WDR70: variants seen among roughly 807,000 people sequenced by gnomAD.
WDR70 encodes WD repeat-containing protein 70.
WDR70 carries 53 observed loss-of-function variants against 88.6 expected under a neutral mutation model. That is an observed-to-expected ratio of 0.60 (90% CI 0.48 to 0.75). WDR70 has a LOEUF of 0.75. WDR70 is among the 30% of genes least tolerant of loss of function. The pLI, the probability that WDR70 is intolerant of heterozygous loss-of-function variation, is 0.00. For missense variants in WDR70, 610 were observed against 823.2 expected (o/e 0.74, Z 3.17); for synonymous variants, 280 against 270.0 (o/e 1.04, Z -0.36).
intron 10 of WDR70, among the ~76,000 whole-genome samples, chr5:37,674,951 T>A (rs1350620568): frequency 6.6e-6 from 1 of 151,588 alleles, no homozygotes; most frequent in Non-Finnish European, 1.5e-5. Context: ...GGTATCTCAT[T>A]GTGGTTTTGA....
intron 8 of WDR70, among the ~76,000 whole-genome samples, chr5:37,512,198 TTTCTC>T (rs1740740669): frequency 6.6e-6 from 1 of 152,124 alleles, no homozygotes; most frequent in South Asian, 2.1e-4. Context: ...TTTTTGTCTT[TTTCTC>T]TTCTCTTTTC....
At chr5:37,628,006 C>T (rs1038503136) in intron 10 of WDR70, among the ~76,000 whole-genome samples, 1 of 152,154 alleles carries the variant, frequency 6.6e-6, no homozygotes, top group Non-Finnish European at 1.5e-5. Context: ...TTCACTGCAG[C>T]CTTGAATTCC....
chr5:37,552,737 AT>A (rs1191603661), intron 9 of WDR70, among the ~76,000 whole-genome samples: 4 of 152,174 alleles, frequency 2.6e-5, no homozygotes, highest in Non-Finnish European at 5.9e-5. Context: ...AATATCTACT[AT>A]TTTGGGTCGT....
chr5:37,570,737 T>C (rs1338299397), intron 9 of WDR70, among the ~76,000 whole-genome samples: 1 of 152,204 alleles, frequency 6.6e-6, no homozygotes, highest in Non-Finnish European at 1.5e-5. Context: ...AAATGTCTTT[T>C]GGTTTTAGTA....
intron 5 of WDR70, among the ~76,000 whole-genome samples, chr5:37,399,445 G>A (rs963355863): frequency 2.0e-5 from 3 of 152,066 alleles, no homozygotes; most frequent in Non-Finnish European, 4.4e-5. Context: ...TTTCATGAAA[G>A]TGTTTTTACA....
At chr5:37,495,799 G>A (rs1170246525) in intron 8 of WDR70, among the ~76,000 whole-genome samples, 1 of 152,166 alleles carries the variant, frequency 6.6e-6, no homozygotes, top group African/African-American at 2.4e-5. Flanking sequence ...ACCCATTTAA[G>A]AATCCTTAGT....
intron 10 of WDR70, among the ~76,000 whole-genome samples, chr5:37,676,424 C>G (rs57214650): frequency 0.28 from 42,818 of 151,974 alleles, 6,685 homozygotes; most frequent in Admixed American, 0.42. Flanking sequence ...TACCTAATTT[C>G]TTGAGAGTTT....
chr5:37,466,547 A>G (rs964969103), intron 7 of WDR70, among the ~76,000 whole-genome samples: 1 of 151,920 alleles, frequency 6.6e-6, no homozygotes, highest in African/African-American at 2.4e-5. Flanking sequence ...TCTATTAAAA[A>G]TACAAAAAAT....
chr5:37,432,550 G>A (rs1234887905), intron 5 of WDR70, among the ~76,000 whole-genome samples: 3 of 146,926 alleles, frequency 2.0e-5, no homozygotes, highest in Admixed American at 2.0e-4. Context: ...CACCACGCCC[G>A]GCTAATTTTT....
chr5:37,693,857 A>G (rs1746894250), intron 10 of WDR70, among the ~76,000 whole-genome samples: 1 of 152,106 alleles, frequency 6.6e-6, no homozygotes, highest in Non-Finnish European at 1.5e-5. Context: ...TAGACAATGT[A>G]TCTAATTAAA....
chr5:37,737,096 G>A (rs1447307021), intron 17 of WDR70, among the ~76,000 whole-genome samples: 1 of 152,080 alleles, frequency 6.6e-6, no homozygotes, highest in Non-Finnish European at 1.5e-5. Context: ...ATTATATGAA[G>A]TGAGGAACAC....
intron 17 of WDR70, among the ~76,000 whole-genome samples, chr5:37,742,247 C>T (rs1748503376): frequency 6.8e-6 from 1 of 147,592 alleles, no homozygotes; most frequent in Non-Finnish European, 1.5e-5. Context: ...CTGGCCAATA[C>T]TTGTTATTAT....
intron 10 of WDR70, among the ~76,000 whole-genome samples, chr5:37,694,817 C>T (rs908156353): frequency 1.3e-5 from 2 of 150,270 alleles, no homozygotes; most frequent in Non-Finnish European, 2.9e-5. Context: ...GCATATTGTG[C>T]ACATGTACCC....
At chr5:37,534,094 A>G (rs1225085656) in intron 9 of WDR70, among the ~76,000 whole-genome samples, 9 of 152,158 alleles carry the variant, frequency 5.9e-5, no homozygotes, top group Non-Finnish European at 1.0e-4. Flanking sequence ...GCAAGACCTG[A>G]AGATGAATCA....
intron 9 of WDR70, among the ~76,000 whole-genome samples, chr5:37,571,009 G>C (rs1427127406): frequency 6.6e-6 from 1 of 151,122 alleles, no homozygotes; most frequent in Admixed American, 6.6e-5. Flanking sequence ...CACCAAGTTT[G>C]TATGATTTTT....
intron 15 of WDR70, chr5:37,724,711 T>C (rs1245117073): frequency 4.1e-6 from 2 of 492,872 alleles, no homozygotes; most frequent in Non-Finnish European, 7.2e-6. Context: ...ATGACAATAT[T>C]TGACAGTATT....
At chr5:37,752,346 G>T in intron 17 of WDR70, 140 bp from the exon 18 acceptor site, 1 of 601,414 alleles carries the variant, frequency 1.7e-6, no homozygotes, top group South Asian at 2.3e-5. Context: ...TTCTTTGCCA[G>T]AAGTTTAATG....
intron 5 of WDR70, among the ~76,000 whole-genome samples, chr5:37,436,925 TATA>T (rs1462826725): frequency 3.3e-5 from 5 of 152,146 alleles, no homozygotes; most frequent in African/African-American, 1.2e-4. Context: ...GTAATAGACA[TATA>T]ATATTAGTAG....
chr5:37,678,068 G>C (rs1301088190), intron 10 of WDR70, among the ~76,000 whole-genome samples: 1 of 151,566 alleles, frequency 6.6e-6, no homozygotes, highest in Non-Finnish European at 1.5e-5. Flanking sequence ...GCCTTTTTTT[G>C]TTTTCCATTT....
Sources: gnomAD v4.1 joint callset for allele counts (sites outside exome capture counted in the v4.1 genomes callset) on GRCh38, gnomAD v4.1.1 for gene constraint, MANE v1.5 for transcripts, NCBI Gene and HGNC (gene_info 2026-07-23, HGNC 2026-07-21) for gene names.